Variants in SH2D1B observed in about 807,000 individuals in gnomAD.
SH2D1B encodes the protein SH2 domain containing 1B, also known as SH2 domain-containing protein 1B.
A neutral mutation model predicts 16.3 loss-of-function variants in SH2D1B; 11 were observed. The observed-to-expected ratio is 0.67, with a 90% CI of 0.42 to 1.11. The LOEUF is 1.11. Ranked by LOEUF, SH2D1B falls within the 50% of genes most tolerant of loss-of-function variation. The probability of loss-of-function intolerance (pLI) is 0.00; values close to 1 mark genes in which losing one functional copy is unlikely to be tolerated. For synonymous variants in SH2D1B, 55 were observed against 56.1 expected, an observed-to-expected ratio of 0.98 and a Z score of 0.09; for missense variants, 123 against 153.1, an observed-to-expected ratio of 0.80 and a Z score of 1.04.
At chr1:162,407,526 C>T (rs351456) in intron 1 of SH2D1B, among the ~76,000 whole-genome samples, 45,057 of 152,142 alleles carry the variant, frequency 0.3, 6,892 homozygotes, top group Middle Eastern at 0.43. Context: ...TGTCGCCTAC[C>T]GCAAAGGGAT....
At chr1:162,400,286 CTTTTT>C (rs1241054289) in intron 2 of SH2D1B, among the ~76,000 whole-genome samples, 10 of 83,288 alleles carry the variant, frequency 1.2e-4, no homozygotes, top group African/African-American at 3.5e-4. Flanking sequence ...ACACCACGTA[CTTTTT>C]TTTTTTTTTT....
chr1:162,402,628 T>C, intron 2 of SH2D1B, 111 bp downstream of exon 2: 1 of 877,846 alleles, frequency 1.1e-6, no homozygotes, highest in Admixed American at 2.1e-5. Flanking sequence ...TGCATTGTGC[T>C]TTCCTTTTTA....
At chr1:162,403,741 C>A (rs959654504) in intron 1 of SH2D1B, among the ~76,000 whole-genome samples, 1 of 133,406 alleles carries the variant, frequency 7.5e-6, no homozygotes, top group African/African-American at 2.9e-5. Context: ...CACACACACA[C>A]AATGGAATAT....
chr1:162,403,897 T>C (rs1379219181), intron 1 of SH2D1B, among the ~76,000 whole-genome samples: 2 of 151,808 alleles, frequency 1.3e-5, no homozygotes, highest in African/African-American at 4.8e-5. Context: ...AAAGTTGATA[T>C]CATAAAACTA....
At chr1:162,406,216 C>G (rs558402655) in intron 1 of SH2D1B, among the ~76,000 whole-genome samples, 29 of 152,082 alleles carry the variant, frequency 1.9e-4, no homozygotes, top group African/African-American at 7.0e-4. Flanking sequence ...GGATTTTATC[C>G]TAACTAGGGA....
At chr1:162,411,762 C>T in intron 1 of SH2D1B, 121 bp downstream of exon 1, 1 of 1,304,312 alleles carries the variant, frequency 7.7e-7, no homozygotes, top group Non-Finnish European at 1.1e-6. Context: ...ACTTCTCATT[C>T]TACTCATTGA....
At chr1:162,407,781 T>C (rs351457) in intron 1 of SH2D1B, among the ~76,000 whole-genome samples, 37,946 of 152,132 alleles carry the variant, frequency 0.25, 4,896 homozygotes, top group East Asian at 0.4. Context: ...CTCCCTGTCA[T>C]ATGACTCTGT....
chr1:162,412,126 C>A lies in SH2D1B; in HGVS notation c.-110G>T, dbSNP rs1449846119. The A allele has an allele frequency of 1.4e-6, 2 of 1,409,778 alleles. No homozygotes were observed. The highest frequency in any genetic ancestry group is 3.7e-5 in the Admixed American group (2 of 53,722). 87.3% of individuals were successfully genotyped at this position (1,409,778 alleles called of 1,614,324 possible). ...AGCAGCTGTACCTCCTGTGGAGCTA[C>A]CTCTTCCTCTAGCGGTCTGTGGGAC... is the stretch of plus-strand genomic sequence containing the variant. On this transcript the variant is annotated 5_prime_UTR_variant, in exon 1 of 4. Transcript: ENST00000367929.
In SH2D1B at chr1:162,409,700, T is replaced by A. The variant is rs558467111; in HGVS notation, c.134+2183A>T. Among the ~76,000 whole-genome samples, 10 of 152,250 alleles carry A rather than the reference T, an allele frequency of 6.6e-5. No individual in the cohort carries two copies. In the South Asian group the frequency reaches 1.7e-3, roughly 25 times the overall value. ...TTCAAGCGATTCTCATGCCTCAGCC[T>A]CCCAAGTAGCTGGGATACAACTGCA... On this transcript the variant is annotated intron_variant, in intron 1 of 3. Coordinates refer to ENST00000367929, the MANE Select transcript of SH2D1B (RefSeq NM_053282.5).
rs141096884 is a variant in SH2D1B at position 162,398,908 on chromosome 1, C to T, written c.363+15G>A. On this transcript the variant is annotated intron_variant, in intron 3 of 3. Transcript: ENST00000367929. ...GATTAAGATTGCTTTCTGACCCCCA[C>T]GTGAGAGATTTTACCACAAATGTTT... The T allele has an allele frequency of 5.2e-5, 84 of 1,605,626 alleles. 1 individual carries two copies. The East Asian group carries it at 1.3e-3, about 26-fold the overall frequency.
chr1:162,398,814 A>G (rs1648437837), intron 3 of SH2D1B, 109 bp downstream of exon 3: 1 of 1,307,516 alleles, frequency 7.6e-7, no homozygotes, highest in African/African-American at 1.5e-5. Context: ...GAAGCTTTTT[A>G]GAGATAATGT....
intron 3 of SH2D1B, among the ~76,000 whole-genome samples, 169 bp from the exon 4 acceptor site, chr1:162,397,484 A>T (rs1648406670): frequency 6.6e-6 from 1 of 152,206 alleles, no homozygotes; most frequent in South Asian, 2.1e-4. Context: ...AGCCCTCCTA[A>T]CAAAATAGGA....
intron 1 of SH2D1B, 118 bp downstream of exon 1, chr1:162,411,765 C>T: frequency 2.3e-6 from 3 of 1,332,424 alleles, no homozygotes; most frequent in Non-Finnish European, 2.1e-6. Flanking sequence ...TCTCATTCTA[C>T]TCATTGAGAC....
At chr1:162,410,657 T>C (rs1648771440) in intron 1 of SH2D1B, among the ~76,000 whole-genome samples, 2 of 59,504 alleles carry the variant, frequency 3.4e-5, no homozygotes, top group Admixed American at 1.7e-4. Flanking sequence ...TTTCTTTTTC[T>C]TTTTTTTTTT....
intron 2 of SH2D1B, among the ~76,000 whole-genome samples, chr1:162,400,878 G>A (rs897395871): frequency 1.3e-5 from 2 of 152,042 alleles, no homozygotes; most frequent in African/African-American, 4.8e-5. Context: ...GAACCAGGAC[G>A]CGGAAGTTGC....
At chr1:162,401,826 G>A (rs1280655560) in intron 2 of SH2D1B, among the ~76,000 whole-genome samples, 1 of 152,054 alleles carries the variant, frequency 6.6e-6, no homozygotes, top group Non-Finnish European at 1.5e-5. Context: ...AAGATTCTTA[G>A]AAATCTGTAG....
At position 162,396,959 on chromosome 1, in the gene SH2D1B, GC is replaced by G. The variant is rs1304540896; in HGVS notation, c.*320del. 3.6e-6 allele frequency: 1 copy of G among 277,312 alleles called. No individual in the cohort carries two copies. The highest frequency in any genetic ancestry group is 7.0e-6 in the Non-Finnish European group (1 of 142,846). The allele number at this position is 277,312 out of a possible 1,614,324, so 17.2% of individuals were successfully genotyped here. ...TCTGTATAAAGCTGCCCCTCTGACT[GC>G]ATGGTCCAAAGGAGGGTGTCAACCA... On this transcript the variant is annotated 3_prime_UTR_variant, in exon 4 of 4. Transcript: ENST00000367929.
At chr1:162,402,588 AC>A (rs1648545099) in intron 2 of SH2D1B, 150 bp downstream of exon 2, 2 of 608,176 alleles carry the variant, frequency 3.3e-6, no homozygotes, top group South Asian at 2.4e-5. Flanking sequence ...TCAGGGAAAA[AC>A]CAGGTTAACT....
chr1:162,403,514 ATATATATATATATAT>A (rs1648581034), intron 1 of SH2D1B, among the ~76,000 whole-genome samples: 3 of 22,776 alleles, frequency 1.3e-4, no homozygotes, highest in Admixed American at 8.1e-4. Flanking sequence ...AAAAAAAAAT[ATATATATATATATAT>A]ATATATATAT....
Sources: allele counts gnomAD v4.1 joint callset (sites outside exome capture counted in the v4.1 genomes callset), GRCh38; gene constraint gnomAD v4.1.1; transcripts MANE v1.5; gene names NCBI Gene and HGNC (gene_info 2026-07-23, HGNC 2026-07-21).